TXNRD2: variants seen among roughly 807,000 people sequenced by gnomAD.
TXNRD2 encodes thioredoxin reductase 2, mitochondrial.
In TXNRD2, 67 loss-of-function variants were observed where a neutral mutation model predicts 70.8. That is an observed-to-expected ratio of 0.95 (90% CI 0.78 to 1.16). TXNRD2 has a LOEUF of 1.16. TXNRD2 is among the 50% of genes most tolerant of loss of function. TXNRD2 has a pLI of 0.00. For synonymous variants in TXNRD2, 301 were observed against 295.8 expected, an observed-to-expected ratio of 1.02 and a Z score of -0.18; for missense variants, 644 against 719.9, an observed-to-expected ratio of 0.89 and a Z score of 1.21.
chr22:19,937,214 G>A (rs529507502), intron 1 of TXNRD2, among the ~76,000 whole-genome samples: 5 of 152,196 alleles, frequency 3.3e-5, no homozygotes, highest in Admixed American at 2.0e-4. Context: ...CTCAGGCTCA[G>A]CTCACAGGCT....
At chr22:19,938,407 T>C (rs914801340) in intron 1 of TXNRD2, among the ~76,000 whole-genome samples, 2 of 152,232 alleles carry the variant, frequency 1.3e-5, no homozygotes, top group Admixed American at 6.5e-5. Flanking sequence ...AAGCCGCTTA[T>C]TGGATTAATG....
chr22:19,938,930 C>A (rs1409613465), intron 1 of TXNRD2, among the ~76,000 whole-genome samples: 1 of 152,106 alleles, frequency 6.6e-6, no homozygotes, highest in Admixed American at 6.6e-5. Context: ...CTAAATGTTC[C>A]TAAAAACAAT....
rs149796774 is a variant in TXNRD2 at position 19,911,136 on chromosome 22, GC to G, written c.662+240del. On this transcript the variant is annotated intron_variant, in intron 8 of 17. Transcript: ENST00000400521. The stretch of plus-strand genomic sequence containing the variant: ...TGTAGAGTAGAGGTCTCACTATATT[GC>G]CCAGGCTGATGCTGATCTCGAACTC... 74,064 of 605,070 alleles carry G rather than the reference GC, an allele frequency of 0.12. 5,231 individuals carry two copies. The highest frequency in any genetic ancestry group is 0.14 in the Non-Finnish European group (48,560 of 335,264). 37.5% of individuals were successfully genotyped at this position (605,070 alleles called of 1,614,324 possible). A position where few individuals can be genotyped will look rare whatever the true frequency, so the allele number is the denominator to read the frequency against.
rs1053461201 is a variant in TXNRD2, at chr22:19,881,088, A to G, written c.1087-371T>C. 3.0e-5 allele frequency: 14 copies of G among 461,230 alleles called. No homozygotes were observed. In the Admixed American group the frequency reaches 4.9e-4, roughly 16 times the overall value. The allele number at this position is 461,230 out of a possible 1,614,324, so 28.6% of individuals were successfully genotyped here. ...CAAAAGAGCCCCTGCTACCGTTTTC[A>G]TTCACTGGAATCCCCGGCTAAAAAG... On this transcript the variant is annotated intron_variant, in intron 12 of 17. Coordinates refer to ENST00000400521, the MANE Select transcript of TXNRD2 (RefSeq NM_006440.5).
At position 19,883,598 on chromosome 22, in the gene TXNRD2, G is replaced by A. The variant is rs927383383; in HGVS notation, c.950-137C>T. On this transcript the variant is annotated intron_variant, in intron 11 of 17. Coordinates refer to ENST00000400521, the MANE Select transcript of TXNRD2 (RefSeq NM_006440.5). ...CCTGCCTGTAATCCCAGCACTGTAG[G>A]AGGACGAGGTGGGCAAATCACCTGA... 7 of 1,285,116 alleles carry A rather than the reference G, an allele frequency of 5.4e-6. No homozygotes were observed. In the East Asian group the frequency reaches 1.4e-4, roughly 26 times the overall value. 79.6% of individuals were successfully genotyped at this position (1,285,116 alleles called of 1,614,324 possible).
chr22:19,906,393 G>A (rs111795954), intron 8 of TXNRD2, among the ~76,000 whole-genome samples: 1,529 of 152,280 alleles, frequency 0.01, 11 homozygotes, highest in Middle Eastern at 0.02. Context: ...ACTTTGAGGG[G>A]CCAGGGTGAT....
chr22:19,895,084 G>C, intron 11 of TXNRD2: 1 of 1,596,810 alleles, frequency 6.3e-7, no homozygotes, highest in Non-Finnish European at 8.5e-7. Context: ...GGGAAGGCGA[G>C]GATGATTGCC....
chr22:19,920,476 G>A (rs118052695), intron 2 of TXNRD2, among the ~76,000 whole-genome samples: 7,094 of 152,214 alleles, frequency 0.047, 180 homozygotes, highest in South Asian at 0.094. Flanking sequence ...CCAGCTACCC[G>A]GGAGGCTGAG....
At chr22:19,902,915 G>A (rs1263544035) in intron 8 of TXNRD2, 13 of 518,076 alleles carry the variant, frequency 2.5e-5, no homozygotes, top group Non-Finnish European at 5.0e-5. Flanking sequence ...TAGGAAGAGA[G>A]AAAAATGATC....
chr22:19,895,800 G>A (rs969163973), intron 10 of TXNRD2, among the ~76,000 whole-genome samples: 1 of 152,222 alleles, frequency 6.6e-6, no homozygotes, highest in South Asian at 2.1e-4. Flanking sequence ...CTATGGTCAG[G>A]ATTCACTCAG....
intron 9 of TXNRD2, among the ~76,000 whole-genome samples, chr22:19,898,683 G>A (rs910534372): frequency 1.2e-4 from 18 of 152,022 alleles, no homozygotes; most frequent in Non-Finnish European, 1.5e-5. Flanking sequence ...CCCGGCCAGG[G>A]ACTTTCATCT....
chr22:19,895,468 C>T lies in TXNRD2; in HGVS notation c.888G>A (p.Trp296Ter). Residue 296 changes from tryptophan (W) to a stop codon, truncating the protein, a stop_gained, in exon 11 of 18, where the codon TGG becomes TGA. Transcript: ENST00000400521. LOFTEE classifies it high-confidence loss of function. ...CCTCCTTGCCGGTGGTGCTGTCCTC[C>T]CAGGTGACCTGCAGCTGGCCATCAG... ...RLPDGQLQVT[W>*]EDSTTGKEDT... The T allele has an allele frequency of 6.2e-7, 1 of 1,613,952 alleles. No individual in the cohort carries two copies. The highest frequency in any genetic ancestry group is 2.2e-5 in the East Asian group (1 of 44,878).
intron 11 of TXNRD2, among the ~76,000 whole-genome samples, chr22:19,886,004 A>G (rs1429562832): frequency 1.3e-5 from 2 of 152,260 alleles, no homozygotes; most frequent in Admixed American, 6.5e-5. Flanking sequence ...GTGGGAATGT[A>G]ATGGAGCCAC....
intron 1 of TXNRD2, among the ~76,000 whole-genome samples, chr22:19,935,570 C>T (rs1258148897): frequency 6.6e-6 from 1 of 152,008 alleles, no homozygotes; most frequent in African/African-American, 2.4e-5. Flanking sequence ...TTGGCACAAC[C>T]CCTCCCCTTT....
rs115309644 is a variant in TXNRD2, at chr22:19,923,807, A to T, written c.173-4208T>A. ...ACAAGAGTGAAACTATGTCTCAAAA[A>T]AAAAAGTTAACACAGCATTCACTGA... On this transcript the variant is annotated intron_variant, in intron 2 of 17. Coordinates refer to ENST00000400521, the MANE Select transcript of TXNRD2 (RefSeq NM_006440.5). 5.8e-3 allele frequency among the ~76,000 whole-genome samples: 880 copies of T among 151,520 alleles called. 5 individuals are homozygous for T. Among genetic ancestry groups the T allele is most frequent in the African/African-American group, 0.019 (783 of 41,228 alleles).
chr22:19,907,188 G>A (rs1247619921), intron 8 of TXNRD2, among the ~76,000 whole-genome samples: 1 of 83,522 alleles, frequency 1.2e-5, no homozygotes, highest in Non-Finnish European at 2.4e-5. Flanking sequence ...ACCATGAGTA[G>A]CAGTGACCGC....
At chr22:19,914,412 C>A (rs1940543421) in intron 7 of TXNRD2, among the ~76,000 whole-genome samples, 1 of 152,138 alleles carries the variant, frequency 6.6e-6, no homozygotes, top group South Asian at 2.1e-4. Flanking sequence ...TAGTATCTAG[C>A]CATAAAAAGG....
intron 5 of TXNRD2, 66 bp from the exon 6 acceptor site, chr22:19,915,909 T>C (rs545530939): frequency 3.5e-6 from 5 of 1,424,620 alleles, no homozygotes; most frequent in South Asian, 2.3e-5. Context: ...ACTGGATCAA[T>C]AGGGAACACT....
chr22:19,909,614 CCA>C (rs1454062832), intron 8 of TXNRD2, among the ~76,000 whole-genome samples: 3 of 97,442 alleles, frequency 3.1e-5, no homozygotes, highest in East Asian at 3.5e-4. Context: ...CACACACACA[CCA>C]CACACACCAC....
Sources: gnomAD v4.1 joint callset for allele counts (sites outside exome capture counted in the v4.1 genomes callset) on GRCh38, gnomAD v4.1.1 for gene constraint, MANE v1.5 for transcripts, NCBI Gene and HGNC (gene_info 2026-07-23, HGNC 2026-07-21) for gene names.